The following AGO2 variants were observed in gnomAD, a reference collection of about 807,000 sequenced individuals.
AGO2 encodes the protein protein argonaute-2.
Under a neutral mutation model 102.3 loss-of-function variants are expected in AGO2, and 5 were observed. The observed-to-expected ratio is 0.05, with a 90% confidence interval of 0.03 to 0.10. The LOEUF is 0.10. Ranked by LOEUF, AGO2 falls within the 10% of genes least tolerant of loss-of-function variation. The probability of loss-of-function intolerance (pLI) is 1.00; values close to 1 mark genes in which losing one functional copy is unlikely to be tolerated. For missense variants in AGO2, 541 were observed against 1,183.7 expected, an observed-to-expected ratio of 0.46 and a Z score of 7.97; for synonymous variants, 449 against 473.1, an observed-to-expected ratio of 0.95 and a Z score of 0.66.
chr8:140,607,798 C>G (rs1396460420), intron 1 of AGO2, among the ~76,000 whole-genome samples: 1 of 152,062 alleles, frequency 6.6e-6, no homozygotes, highest in African/African-American at 2.4e-5. Context: ...TAGGAAGCAG[C>G]TGCTCATGGA....
rs147023487 is a variant in AGO2, at chr8:140,628,884, C to T, written c.22+6601G>A. ...CGTGGATCACCTGAGCTCAGGAGTT[C>T]GAGACCAGTCTGGGCAACATGGCAA... On this transcript the variant is annotated intron_variant, in intron 1 of 18. Transcript: ENST00000220592. Among the ~76,000 whole-genome samples the T allele has an allele frequency of 3.3e-5, 5 of 151,972 alleles. No homozygotes were observed. The East Asian group carries it at 7.7e-4, about 24-fold the overall frequency.
intron 2 of AGO2, among the ~76,000 whole-genome samples, chr8:140,582,483 G>A (rs1353685292): frequency 6.6e-6 from 1 of 152,140 alleles, no homozygotes; most frequent in Non-Finnish European, 1.5e-5. Flanking sequence ...ATAAATAAAT[G>A]AAAACTTGAA....
At chr8:140,580,003 G>GAGCCCACCTCCTCCTAGC (rs2073530171) in intron 2 of AGO2, among the ~76,000 whole-genome samples, 1 of 151,858 alleles carries the variant, frequency 6.6e-6, no homozygotes, top group Non-Finnish European at 1.5e-5. Flanking sequence ...GAAGGGAGAG[G>GAGCCCACCTCCTCCTAGC]AGCCCACCTC....
intron 1 of AGO2, among the ~76,000 whole-genome samples, chr8:140,603,413 G>A (rs1050975164): frequency 2.0e-5 from 3 of 152,212 alleles, no homozygotes; most frequent in Admixed American, 6.5e-5. Context: ...ATTTTCCAGT[G>A]CACACTGAGG....
intron 1 of AGO2, among the ~76,000 whole-genome samples, chr8:140,634,383 G>A (rs895524190): frequency 3.3e-5 from 5 of 152,228 alleles, no homozygotes; most frequent in African/African-American, 1.2e-4. Flanking sequence ...TCGCCCGGCC[G>A]GGTAAACATA....
chr8:140,608,752 C>T (rs974909775), intron 1 of AGO2, among the ~76,000 whole-genome samples: 2 of 152,226 alleles, frequency 1.3e-5, no homozygotes, highest in Admixed American at 6.5e-5. Context: ...CTGCATCAGA[C>T]GAAAGCAGTG....
chr8:140,607,123 C>T (rs1035689530), intron 1 of AGO2, among the ~76,000 whole-genome samples: 5 of 152,036 alleles, frequency 3.3e-5, no homozygotes, highest in Admixed American at 6.6e-5. Context: ...GTGGTGCATG[C>T]TTGTAACCGC....
intron 2 of AGO2, among the ~76,000 whole-genome samples, chr8:140,582,317 C>G (rs1216307636): frequency 1.3e-5 from 2 of 152,128 alleles, no homozygotes; most frequent in Non-Finnish European, 2.9e-5. Flanking sequence ...AATCTGAAAA[C>G]CCCAAATCCA....
At chr8:140,615,712 G>A (rs868161663) in intron 1 of AGO2, among the ~76,000 whole-genome samples, 20 of 152,240 alleles carry the variant, frequency 1.3e-4, no homozygotes, top group Admixed American at 3.3e-4. Context: ...TTTCGGAACC[G>A]GACCACCCTC....
intron 1 of AGO2, among the ~76,000 whole-genome samples, chr8:140,618,601 C>G (rs2074173369): frequency 6.6e-6 from 1 of 152,088 alleles, no homozygotes; most frequent in Non-Finnish European, 1.5e-5. Context: ...GTGGCTGATC[C>G]CAACTGTCCA....
chr8:140,641,476 A>G, the AGO2 span, among the ~76,000 whole-genome samples: 9 of 152,256 alleles, frequency 5.9e-5, no homozygotes, highest in African/African-American at 2.2e-4. Flanking sequence ...ACCTAGTATC[A>G]TGTTTCTTTG....
chr8:140,542,903 T>C (rs1458597422), intron 14 of AGO2, among the ~76,000 whole-genome samples: 1 of 151,788 alleles, frequency 6.6e-6, no homozygotes, highest in East Asian at 1.9e-4. Context: ...CTTTGGGAGG[T>C]TGAAGCAGGT....
At chr8:140,603,713 C>T (rs1309584200) in intron 1 of AGO2, among the ~76,000 whole-genome samples, 1 of 152,212 alleles carries the variant, frequency 6.6e-6, no homozygotes, top group East Asian at 1.9e-4. Flanking sequence ...CCACTGGGGC[C>T]GGATTTAACA....
chr8:140,610,536 C>T (rs891578337), intron 1 of AGO2, among the ~76,000 whole-genome samples: 6 of 152,206 alleles, frequency 3.9e-5, no homozygotes, highest in Admixed American at 6.5e-5. Context: ...TTCTTAATAA[C>T]GGAATAACTT....
At chr8:140,605,400 A>G (rs555102188) in intron 1 of AGO2, among the ~76,000 whole-genome samples, 1 of 152,308 alleles carries the variant, frequency 6.6e-6, no homozygotes, top group South Asian at 2.1e-4. Flanking sequence ...CCCGCCCTTA[A>G]AAGTATTTTC....
the AGO2 span, among the ~76,000 whole-genome samples, chr8:140,642,220 C>T: frequency 6.6e-6 from 1 of 152,208 alleles, no homozygotes; most frequent in Admixed American, 6.5e-5. Flanking sequence ...AGACAGGGAG[C>T]GGCACGGCAC....
At chr8:140,611,835 T>A (rs747117396) in intron 1 of AGO2, among the ~76,000 whole-genome samples, 17 of 152,140 alleles carry the variant, frequency 1.1e-4, no homozygotes, top group Non-Finnish European at 2.1e-4. Context: ...ATGGTGTCTG[T>A]TGCAATCGTA....
At chr8:140,575,198 T>A in intron 2 of AGO2, among the ~76,000 whole-genome samples, 1 of 151,902 alleles carries the variant, frequency 6.6e-6, no homozygotes, top group Non-Finnish European at 1.5e-5. Flanking sequence ...CTGGCATCCA[T>A]CCCTGCCATG....
intron 1 of AGO2, among the ~76,000 whole-genome samples, chr8:140,603,019 T>G (rs2073952283): frequency 6.6e-6 from 1 of 152,230 alleles, no homozygotes; most frequent in South Asian, 2.1e-4. Context: ...TCTGGCCGCA[T>G]CTTTTATATG....
Sources: gnomAD v4.1 joint callset for allele counts (sites outside exome capture counted in the v4.1 genomes callset) on GRCh38, gnomAD v4.1.1 for gene constraint, MANE v1.5 for transcripts, NCBI Gene and HGNC (gene_info 2026-07-23, HGNC 2026-07-21) for gene names.